The following DPP10 variants were observed in gnomAD, a reference collection of about 807,000 sequenced individuals.
DPP10 encodes the protein dipeptidyl peptidase like 10.
DPP10 carries 33 observed loss-of-function variants against 120.9 expected under a neutral mutation model. The ratio of observed to expected loss-of-function variants is 0.27; its 90% CI spans 0.21 to 0.37. The LOEUF is 0.37. Ranked by LOEUF, DPP10 falls within the 10% of genes least tolerant of loss-of-function variation. The probability of loss-of-function intolerance (pLI) is 1.00; values close to 1 mark genes in which losing one functional copy is unlikely to be tolerated. For synonymous variants in DPP10, 337 were observed against 326.1 expected, an observed-to-expected ratio of 1.03 and a Z score of -0.36; for missense variants, 816 against 942.8, an observed-to-expected ratio of 0.87 and a Z score of 1.76.
intron 2 of DPP10, among the ~76,000 whole-genome samples, chr2:115,317,273 T>G (rs2061840526): frequency 6.6e-6 from 1 of 150,506 alleles, no homozygotes; most frequent in African/African-American, 2.5e-5. Context: ...ATATTTCACA[T>G]AAATGGAATC....
chr2:115,541,755 A>G (rs148147208), intron 5 of DPP10, among the ~76,000 whole-genome samples: 88 of 152,012 alleles, frequency 5.8e-4, no homozygotes, highest in African/African-American at 2.0e-3. Flanking sequence ...CTCCTGCACT[A>G]TATGCCATGG....
intron 1 of DPP10, among the ~76,000 whole-genome samples, chr2:115,290,703 C>T (rs2060616786): frequency 6.6e-6 from 1 of 152,056 alleles, no homozygotes; most frequent in Admixed American, 6.6e-5. Context: ...TAAGGTGATG[C>T]ACCATATATT....
At chr2:115,357,679 G>C (rs911557050) in intron 3 of DPP10, among the ~76,000 whole-genome samples, 1 of 152,162 alleles carries the variant, frequency 6.6e-6, no homozygotes, top group Non-Finnish European at 1.5e-5. Flanking sequence ...CTATGTGGGG[G>C]CTCCTACTCC....
Position 115,777,228 on chromosome 2 carries a change from C to T in DPP10, c.1242C>T (p.Thr414=), listed in dbSNP as rs201691746. The T allele has an allele frequency of 1.1e-5, 17 of 1,612,636 alleles. No individual in the cohort carries two copies. Among genetic ancestry groups the T allele is most frequent in the African/African-American group, 4.0e-5 (3 of 74,784 alleles). The change falls in exon 14 of 26, where the codon ACC becomes ACT. Residue 414 remains threonine, a synonymous_variant. Coordinates refer to ENST00000410059, the MANE Select transcript of DPP10 (RefSeq NM_020868.6). ...TGCAGAGTAAAAGTGAGCAAATTAC[C>T]GTGCGGCATCTGACATCAGGAAACT... is the stretch of plus-strand genomic sequence containing the variant. ...FLIQSKSEQI[T]VRHLTSGNWE...
At chr2:115,384,585 G>C (rs34865237) in intron 3 of DPP10, among the ~76,000 whole-genome samples, 3 of 146,534 alleles carry the variant, frequency 2.0e-5, no homozygotes, top group African/African-American at 7.6e-5. Context: ...AGGAAGAGGA[G>C]GAAAAGGAAG....
At chr2:115,198,932 T>G (rs1440233051) in intron 1 of DPP10, among the ~76,000 whole-genome samples, 1 of 152,316 alleles carries the variant, frequency 6.6e-6, no homozygotes, top group East Asian at 1.9e-4. Context: ...CTTCTAATTC[T>G]TTGCCATGCT....
intron 1 of DPP10, among the ~76,000 whole-genome samples, chr2:115,037,611 G>T (rs1428371526): frequency 6.6e-6 from 1 of 152,132 alleles, no homozygotes; most frequent in African/African-American, 2.4e-5. Context: ...TGTTAATAAT[G>T]CAGGCACCTG....
At chr2:115,662,196 GTTC>G (rs978435207) in intron 5 of DPP10, among the ~76,000 whole-genome samples, 15 of 152,212 alleles carry the variant, frequency 9.9e-5, no homozygotes, top group Admixed American at 2.0e-4. Flanking sequence ...ATGAAATTAT[GTTC>G]TTCTTTTTTA....
At chr2:115,544,936 C>G (rs1481857413) in intron 5 of DPP10, among the ~76,000 whole-genome samples, 2 of 151,982 alleles carry the variant, frequency 1.3e-5, no homozygotes, top group Non-Finnish European at 2.9e-5. Context: ...TTTTTCTTGA[C>G]TGCTGCCTAA....
chr2:115,066,953 T>G (rs1573486983), intron 1 of DPP10: 1 of 152,214 alleles, frequency 6.6e-6, no homozygotes, highest in Non-Finnish European at 1.5e-5. Context: ...GAGTAAATGT[T>G]AAGTATACGG....
At chr2:115,125,621 G>C (rs1177921571) in intron 1 of DPP10, among the ~76,000 whole-genome samples, 2 of 145,474 alleles carry the variant, frequency 1.4e-5, no homozygotes, top group East Asian at 4.0e-4. Context: ...GCCCAGGCTG[G>C]AGTGCAGTGG....
intron 1 of DPP10, among the ~76,000 whole-genome samples, chr2:114,494,100 G>A (rs201193381): frequency 0.038 from 187 of 4,878 alleles, 3 homozygotes; most frequent in African/African-American, 0.078. Context: ...CAGCAATAAG[G>A]CAAAAAAAAA....
intron 3 of DPP10, among the ~76,000 whole-genome samples, chr2:115,427,198 GGCACCA>G (rs1296570065): frequency 6.6e-6 from 1 of 152,172 alleles, no homozygotes; most frequent in Non-Finnish European, 1.5e-5. Context: ...AGCTGCTGTT[GGCACCA>G]CCCGTCTGGA....
chr2:114,776,470 C>G (rs319839), intron 1 of DPP10, among the ~76,000 whole-genome samples: 14,275 of 152,046 alleles, frequency 0.094, 919 homozygotes, highest in African/African-American at 0.17. Flanking sequence ...TAGCTTTTCT[C>G]TACTGAATGC....
At chr2:115,285,788 T>G (rs1440998996) in intron 1 of DPP10, among the ~76,000 whole-genome samples, 1 of 152,022 alleles carries the variant, frequency 6.6e-6, no homozygotes, top group African/African-American at 2.4e-5. Context: ...GTTTTCAAGT[T>G]TAATTACATT....
At chr2:115,789,345 A>G (rs1575780761) in intron 17 of DPP10, among the ~76,000 whole-genome samples, 1 of 152,202 alleles carries the variant, frequency 6.6e-6, no homozygotes, top group Non-Finnish European at 1.5e-5. Context: ...CCTTCAACAA[A>G]CAATGTAATT....
intron 5 of DPP10, among the ~76,000 whole-genome samples, chr2:115,672,746 CTT>C (rs1282438367): frequency 4.8e-5 from 7 of 146,796 alleles, no homozygotes; most frequent in African/African-American, 1.5e-4. Flanking sequence ...CTCTCTCTCT[CTT>C]TCTTTCTCTT....
chr2:114,988,946 TA>T (rs944635974), intron 1 of DPP10, among the ~76,000 whole-genome samples: 43 of 147,882 alleles, frequency 2.9e-4, no homozygotes, highest in Middle Eastern at 3.4e-3. Context: ...CATCTGCAAT[TA>T]AAAAAAAAAG....
At chr2:114,852,428 CAT>C (rs1326268911) in intron 1 of DPP10, among the ~76,000 whole-genome samples, 2 of 151,934 alleles carry the variant, frequency 1.3e-5, no homozygotes, top group African/African-American at 4.8e-5. Context: ...CTGTACTAAA[CAT>C]ATAGAGACTT....
Sources: gnomAD v4.1 joint callset for allele counts (sites outside exome capture counted in the v4.1 genomes callset) on GRCh38, gnomAD v4.1.1 for gene constraint, MANE v1.5 for transcripts, NCBI Gene and HGNC (gene_info 2026-07-23, HGNC 2026-07-21) for gene names.